The following TMEM237 variants were observed in gnomAD, a reference collection of about 807,000 sequenced individuals.
TMEM237 encodes amyotrophic lateral sclerosis 2 (juvenile) chromosome region, candidate 4.
A neutral mutation model predicts 59.1 loss-of-function variants in TMEM237; 51 were observed. The ratio of observed to expected loss-of-function variants is 0.86; its 90% CI spans 0.69 to 1.09. The LOEUF is 1.09. TMEM237 is among the 50% of genes least tolerant of loss of function. The pLI, the probability that TMEM237 is intolerant of heterozygous loss-of-function variation, is 0.00. For missense variants in TMEM237, 475 were observed against 478.3 expected, an observed-to-expected ratio of 0.99 and a Z score of 0.06; for synonymous variants, 140 against 166.1, an observed-to-expected ratio of 0.84 and a Z score of 1.21.
chr2:201,640,920 G>A lies in TMEM237; in HGVS notation c.47C>T (p.Pro16Leu), dbSNP rs762192903. The change falls in exon 2 of 13, where the codon CCT (proline) becomes CTT (leucine). Residue 16 changes from proline to leucine, a missense_variant. Transcript: ENST00000409883. ...TGGCACAGGTGGAAGAGCTCGTGGA[G>A]GACGCTGTGGCGGAAAAAATAAATT... ...GARLEEGHLR[P>L]PRALPPVPSQ... 3.7e-6 allele frequency: 6 copies of A among 1,602,390 alleles called. No homozygotes were observed. In the South Asian group the frequency reaches 4.5e-5, roughly 12 times the overall value.
Position 201,635,513 on chromosome 2 carries a change from G to A in TMEM237, c.274+1235C>T, listed in dbSNP as rs1219640620. Among the ~76,000 whole-genome samples the A allele has an allele frequency of 6.6e-6, 1 of 152,224 alleles. No homozygotes were observed. Among genetic ancestry groups the A allele is most frequent in the Non-Finnish European group, 1.5e-5 (1 of 68,038 alleles). ...GCGGTGGCTCACACCTGTAATCCCA[G>A]CACTTTGGGAGGCCGAGGTGGGCGG... On this transcript the variant is annotated intron_variant, in intron 5 of 12. Transcript: ENST00000409883. The surrounding 1 kb of genome is among the most constrained non-coding windows in gnomAD (Gnocchi z 4.5).
chr2:201,625,942 TA>T (rs749208698), intron 12 of TMEM237, 83 bp downstream of exon 12: 14 of 1,297,944 alleles, frequency 1.1e-5, no homozygotes, highest in Non-Finnish European at 1.5e-5. Flanking sequence ...TGGAATATTA[TA>T]AGCTATACCT....
rs1957712415 is a variant in TMEM237 at position 201,621,996 on chromosome 2, G to C, written c.*2259C>G. On this transcript the variant is annotated 3_prime_UTR_variant, in exon 13 of 13. Coordinates refer to ENST00000409883, the MANE Select transcript of TMEM237 (RefSeq NM_001044385.3). Reference sequence around the variant, plus strand: ...TTTTTGAGACACACCAGAAACACCAGGGAAAACAGAGTCCTCTGTACAAGT... The same window carrying C: ...TTTTTGAGACACACCAGAAACACCACGGAAAACAGAGTCCTCTGTACAAGT... 6.6e-6 allele frequency: 1 copy of C among 152,158 alleles called. No homozygotes were observed. The highest frequency in any genetic ancestry group is 2.4e-5 in the African/African-American group (1 of 41,426). The allele number at this position is 152,158 out of a possible 1,614,324, so 9.4% of individuals were successfully genotyped here. A position where few individuals can be genotyped will look rare whatever the true frequency, so the allele number is the denominator to read the frequency against.
In TMEM237 at chr2:201,631,519, C is replaced by T. The variant is rs576856002; in HGVS notation, c.553+532G>A. ...ATCATCATGTATTTTCTCTTATTGT[C>T]AATTGTAGAATTTATATTATTATCT... On this transcript the variant is annotated intron_variant, in intron 7 of 12. Transcript: ENST00000409883. The T allele has an allele frequency of 1.6e-3, 248 of 152,556 alleles. 1 individual carries two copies. The highest frequency in any genetic ancestry group is 5.5e-3 in the African/African-American group (228 of 41,502). The allele number at this position is 152,556 out of a possible 1,614,324, so 9.5% of individuals were successfully genotyped here. A position where few individuals can be genotyped will look rare whatever the true frequency, so the allele number is the denominator to read the frequency against.
At position 201,627,417 on chromosome 2, in the gene TMEM237, G is replaced by A; in HGVS notation, c.944-3C>T. ...TAGTATAAGAGCAGTAAAGTACACT[G>A]AGAAAAAGACAAATGAAATTACTAA... On this transcript the variant is annotated splice_region_variant and splice_polypyrimidine_tract_variant and intron_variant, in intron 10 of 12. Transcript: ENST00000409883. The A allele has an allele frequency of 6.4e-7, 1 of 1,562,226 alleles. No homozygotes were observed. Among genetic ancestry groups the A allele is most frequent in the Non-Finnish European group, 8.7e-7 (1 of 1,149,818 alleles).
At chr2:201,638,674 C>G (rs1416485655) in intron 4 of TMEM237, 2 of 309,826 alleles carry the variant, frequency 6.5e-6, no homozygotes, top group Non-Finnish European at 1.2e-5. Context: ...GGTCTGGAAT[C>G]AATCATAGCT....
chr2:201,632,071 T>C lies in TMEM237; in HGVS notation c.533A>G (p.Lys178Arg), dbSNP rs1362852459. The C allele has an allele frequency of 1.9e-6, 3 of 1,613,784 alleles. No homozygotes were observed. The highest frequency in any genetic ancestry group is 8.5e-7 in the Non-Finnish European group (1 of 1,179,762). The change falls in exon 7 of 13, where the codon AAA (lysine) becomes AGA (arginine). Residue 178 changes from lysine (K) to arginine (R), a missense_variant. Coordinates refer to ENST00000409883, the MANE Select transcript of TMEM237 (RefSeq NM_001044385.3). ...APTGISQPVG[K>R]VFVEKSRRFQ... ...CTTACGGCTTTTTTCCACAAATACT[T>C]TGCCTACAGGCTGGCTAATGCCAGT...
Position 201,629,847 on chromosome 2 carries a change from A to G in TMEM237, c.559T>C (p.Phe187Leu), listed in dbSNP as rs780203695. The part of the protein sequence containing the change: ...GKVFVEKSRR[F>L]QAADRSELIK... ...AACTCTGAACGATCAGCAGCCTGGAATCTCCCTAAGAACACATAACGTAAT... is the reference window on the plus strand; with the variant it reads ...AACTCTGAACGATCAGCAGCCTGGAGTCTCCCTAAGAACACATAACGTAAT... The change falls in exon 8 of 13, where the codon TTC (phenylalanine) becomes CTC (leucine). Residue 187 changes from phenylalanine to leucine, a missense_variant. Transcript: ENST00000409883. 1 of 1,612,184 alleles carries G rather than the reference A, an allele frequency of 6.2e-7. No individual in the cohort carries two copies. The highest frequency in any genetic ancestry group is 1.7e-5 in the Admixed American group (1 of 59,500).
At chr2:201,640,998 T>C in intron 1 of TMEM237, 74 bp from the exon 2 acceptor site, 2 of 1,183,698 alleles carry the variant, frequency 1.7e-6, no homozygotes, top group Non-Finnish European at 2.3e-6. Flanking sequence ...ATCACGCTAT[T>C]TTTTTTTTTT....
In TMEM237 at chr2:201,627,334, T is replaced by C. The variant is rs372686071; in HGVS notation, c.1024A>G (p.Asn342Asp). 4.4e-5 allele frequency: 71 copies of C among 1,606,372 alleles called. No homozygotes were observed. The highest frequency in any genetic ancestry group is 6.7e-5 in the Admixed American group (4 of 59,354). ...RIHLYTPSSV[N>D]GSLWEAGIEE... ...GTGAATTCTTACCAGAGGCTACCATTAACAGAAGAAGGTGTGTAAAGGTGG... is the reference window on the plus strand; with the variant it reads ...GTGAATTCTTACCAGAGGCTACCATCAACAGAAGAAGGTGTGTAAAGGTGG... Residue 342 changes from asparagine to aspartate, a missense_variant, in exon 11 of 13, where the codon AAT becomes GAT. By Grantham distance (23) the Asn-to-Asp change is conservative. Transcript: ENST00000409883.
At position 201,626,324 on chromosome 2, in the gene TMEM237, G is replaced by A. The variant is rs1391322048; in HGVS notation, c.1038-177C>T. The A allele has an allele frequency of 9.8e-6, 6 of 613,008 alleles. No individual in the cohort carries two copies. The East Asian group carries it at 1.5e-4, about 15-fold the overall frequency. 38.0% of individuals were successfully genotyped at this position (613,008 alleles called of 1,614,324 possible). ...ATACCACATATATAATGAGAACAAG[G>A]GTTCAAAGGTTATTTAAACTCTGAA... is the stretch of plus-strand genomic sequence containing the variant. On this transcript the variant is annotated intron_variant, in intron 11 of 12. Coordinates refer to ENST00000409883, the MANE Select transcript of TMEM237 (RefSeq NM_001044385.3).
rs1363677196 is a variant in TMEM237 at position 201,626,009 on chromosome 2, T to A, written c.1159+17A>T. On this transcript the variant is annotated intron_variant, in intron 12 of 12. Transcript: ENST00000409883. ...AAGATTTCAGGATATTCTTATGCTA[T>A]TTTTTTTCTTTAATACCTTCACTAA... is the stretch of plus-strand genomic sequence containing the variant. 6.5e-7 allele frequency: 1 copy of A among 1,550,324 alleles called. No individual in the cohort carries two copies. The highest frequency in any genetic ancestry group is 2.0e-5 in the Admixed American group (1 of 50,590).
intron 3 of TMEM237, among the ~76,000 whole-genome samples, chr2:201,639,745 G>A (rs145394338): frequency 3.3e-3 from 507 of 151,646 alleles, no homozygotes; most frequent in Admixed American, 6.3e-3. Flanking sequence ...GCAGTGAGCC[G>A]AGATCACACC....
In TMEM237 at chr2:201,620,797, T is replaced by C. The variant is rs1296911682; in HGVS notation, c.*3458A>G. The C allele has an allele frequency of 1.3e-5, 2 of 152,196 alleles. No individual in the cohort carries two copies. 9.4% of individuals were successfully genotyped at this position (152,196 alleles called of 1,614,324 possible). A position where few individuals can be genotyped will look rare whatever the true frequency, so the allele number is the denominator to read the frequency against. ...CATGAAAATCGTCCTTTCACGGCCT[T>C]CCCCAGCTCTATTTGTTAGGATTTT... is the stretch of plus-strand genomic sequence containing the variant. On this transcript the variant is annotated 3_prime_UTR_variant, in exon 13 of 13. Coordinates refer to ENST00000409883, the MANE Select transcript of TMEM237 (RefSeq NM_001044385.3).
rs1388879484 is a variant in TMEM237, at chr2:201,633,408, T to C, written c.298A>G (p.Lys100Glu). The change falls in exon 6 of 13, where the codon AAG (lysine) becomes GAG (glutamate). Residue 100 changes from lysine to glutamate, a missense_variant. By Grantham distance (56) the Lys-to-Glu change is moderately conservative. Transcript: ENST00000409883. Reference protein sequence around the residue: ...PLELETSSTQKKSSSSSLLRN... With the variant: ...PLELETSSTQEKSSSSSLLRN... ...AATAAAGATGAACTAGATGACTTCT[T>C]TTGGGTGGAGGAAGTCTCCAATTCT... 1.1e-5 allele frequency: 18 copies of C among 1,568,104 alleles called. No homozygotes were observed. In the South Asian group the frequency reaches 1.9e-4, roughly 17 times the overall value.
chr2:201,633,375 C>T lies in TMEM237; in HGVS notation c.331G>A (p.Glu111Lys). The T allele has an allele frequency of 1.3e-6, 2 of 1,590,186 alleles. No individual in the cohort carries two copies. Among genetic ancestry groups the T allele is most frequent in the Non-Finnish European group, 1.7e-6 (2 of 1,167,648 alleles). The change falls in exon 6 of 13, where the codon GAA becomes AAA. Residue 111 changes from glutamate to lysine, a missense_variant. By Grantham distance (56) the Glu-to-Lys change is moderately conservative. Transcript: ENST00000409883. ...GCTGGCTCCGCATCAATACCATTTT[C>T]ATTTCGTAATAAAGATGAACTAGAT... ...KSSSSSLLRN[E>K]NGIDAEPAEE...
In TMEM237 at chr2:201,629,804, T is replaced by A. The variant is rs1957793139; in HGVS notation, c.602A>T (p.Asn201Ile). The change falls in exon 8 of 13, where the codon AAC becomes ATC. Residue 201 changes from asparagine to isoleucine, a missense_variant. Coordinates refer to ENST00000409883, the MANE Select transcript of TMEM237 (RefSeq NM_001044385.3). ...DRSELIKTTENIDVSMDVKPS... is the reference protein window; with the variant it reads ...DRSELIKTTEIIDVSMDVKPS... Reference sequence around the variant, plus strand: ...CTTCACGTCCATTGACACATCTATGTTTTCTGTGGTCTTTATCAACTCTGA... The same window carrying A: ...CTTCACGTCCATTGACACATCTATGATTTCTGTGGTCTTTATCAACTCTGA... 1.2e-6 allele frequency: 2 copies of A among 1,613,468 alleles called. No homozygotes were observed. Among genetic ancestry groups the A allele is most frequent in the South Asian group, 1.1e-5 (1 of 91,000 alleles).
Position 201,624,008 on chromosome 2 carries a change from C to A in TMEM237, c.*247G>T. On this transcript the variant is annotated 3_prime_UTR_variant, in exon 13 of 13. Coordinates refer to ENST00000409883, the MANE Select transcript of TMEM237 (RefSeq NM_001044385.3). ...CTGTTTTGAGAAAATAGGAAATAAACACTTTCACTTGCTGGTTTCTAGTTC... is the reference window on the plus strand; with the variant it reads ...CTGTTTTGAGAAAATAGGAAATAAAAACTTTCACTTGCTGGTTTCTAGTTC... 3.1e-6 allele frequency: 1 copy of A among 322,722 alleles called. No homozygotes were observed. Among genetic ancestry groups the A allele is most frequent in the Non-Finnish European group, 5.6e-6 (1 of 177,638 alleles). 20.0% of individuals were successfully genotyped at this position (322,722 alleles called of 1,614,324 possible).
At chr2:201,636,989 C>A in intron 4 of TMEM237, 104 bp from the exon 5 acceptor site, 8 of 1,177,620 alleles carry the variant, frequency 6.8e-6, no homozygotes, top group Admixed American at 2.9e-5. Context: ...TATAGAATAA[C>A]CCCATCTCTT....
Sources: allele counts gnomAD v4.1 joint callset (sites outside exome capture counted in the v4.1 genomes callset), GRCh38; gene constraint gnomAD v4.1.1; non-coding constraint Gnocchi (gnomAD v3.1); transcripts MANE v1.5; gene names NCBI Gene and HGNC (gene_info 2026-07-23, HGNC 2026-07-21).